The following IGFL2 variants were observed in gnomAD, a reference collection of about 807,000 sequenced individuals.
IGFL2 encodes the protein IGF like family member 2, also known as insulin growth factor-like family member 2.
A neutral mutation model predicts 13.9 loss-of-function variants in IGFL2; 7 were observed. The observed-to-expected ratio is 0.51, with a 90% CI of 0.29 to 0.95. The LOEUF (loss-of-function observed/expected upper bound fraction) is 0.95, where lower values mean the gene tolerates loss of function less well. Ranked by LOEUF, IGFL2 falls within the 40% of genes least tolerant of loss-of-function variation. The pLI is 0.08. For synonymous variants in IGFL2, 55 were observed against 55.8 expected, an observed-to-expected ratio of 0.99 and a Z score of 0.07; for missense variants, 138 against 147.8, an observed-to-expected ratio of 0.93 and a Z score of 0.34.
At chr19:46,124,880 C>T in the IGFL2 span, among the ~76,000 whole-genome samples, 4 of 150,582 alleles carry the variant, frequency 2.7e-5, 1 homozygote, top group East Asian at 4.0e-4. Flanking sequence ...ACCACAGAGC[C>T]GAATGTTGCA....
chr19:46,089,475 G>A, the IGFL2 span, among the ~76,000 whole-genome samples: 1 of 152,076 alleles, frequency 6.6e-6, no homozygotes. Context: ...ACTTTCAGAT[G>A]TTTTTGTGTT....
the IGFL2 span, among the ~76,000 whole-genome samples, chr19:46,197,829 G>A: frequency 6.6e-6 from 1 of 151,922 alleles, no homozygotes; most frequent in African/African-American, 2.4e-5. Context: ...ACTGTGCCTG[G>A]CCAGGACAGG....
At chr19:46,119,741 CAG>C in the IGFL2 span, among the ~76,000 whole-genome samples, 1 of 146,656 alleles carries the variant, frequency 6.8e-6, no homozygotes, top group African/African-American at 2.6e-5. Flanking sequence ...AGACTTGTGA[CAG>C]AGGTGCCTCA....
At chr19:46,110,788 T>C in the IGFL2 span, among the ~76,000 whole-genome samples, 1 of 152,216 alleles carries the variant, frequency 6.6e-6, no homozygotes, top group African/African-American at 2.4e-5. Context: ...TTACTATTTG[T>C]CTGTTTTCCA....
At chr19:46,191,824 C>T in the IGFL2 span, among the ~76,000 whole-genome samples, 6 of 152,120 alleles carry the variant, frequency 3.9e-5, no homozygotes, top group Non-Finnish European at 8.8e-5. Flanking sequence ...CATTTGATTA[C>T]TCTTTTTGTA....
the IGFL2 span, among the ~76,000 whole-genome samples, chr19:46,194,027 G>A: frequency 6.6e-6 from 1 of 152,080 alleles, no homozygotes; most frequent in African/African-American, 2.4e-5. Flanking sequence ...TTTCCTTTTG[G>A]TCAGATTCCA....
At chr19:46,111,605 A>G in the IGFL2 span, 1 of 152,224 alleles carries the variant, frequency 6.6e-6, no homozygotes, top group Admixed American at 6.5e-5. Context: ...TTCTTCTAGC[A>G]CTCATGCCTC....
At chr19:46,096,702 G>C in the IGFL2 span, among the ~76,000 whole-genome samples, 5 of 152,128 alleles carry the variant, frequency 3.3e-5, no homozygotes, top group Admixed American at 1.3e-4. Flanking sequence ...TCAATACCTA[G>C]TTTACTGAGA....
chr19:46,120,360 A>G, the IGFL2 span: 21 of 1,610,950 alleles, frequency 1.3e-5, no homozygotes, highest in Non-Finnish European at 1.8e-5. Flanking sequence ...TCCTGTTCCT[A>G]TCACAGTGCC....
chr19:46,136,875 C>T, the IGFL2 span: 1 of 760,728 alleles, frequency 1.3e-6, no homozygotes, highest in South Asian at 1.4e-5. Context: ...GAAAAGACTA[C>T]TCTGTGTATT....
chr19:46,197,168 G>C, the IGFL2 span: 1 of 228,144 alleles, frequency 4.4e-6, no homozygotes, highest in South Asian at 6.6e-5. Flanking sequence ...TGCACCTTCA[G>C]AGTCTGCTTC....
the IGFL2 span, among the ~76,000 whole-genome samples, chr19:46,100,693 T>A: frequency 6.6e-6 from 1 of 152,180 alleles, no homozygotes. Flanking sequence ...GGGGGAGGCA[T>A]GTAGCTTTTC....
chr19:46,186,228 C>T, the IGFL2 span, among the ~76,000 whole-genome samples: 3 of 152,210 alleles, frequency 2.0e-5, no homozygotes, highest in African/African-American at 7.2e-5. Context: ...CACCAGGAAA[C>T]GGCCGTGGAT....
At chr19:46,093,667 A>C in the IGFL2 span, among the ~76,000 whole-genome samples, 9 of 152,224 alleles carry the variant, frequency 5.9e-5, no homozygotes, top group Non-Finnish European at 1.2e-4. Flanking sequence ...CATAGGACAA[A>C]TAAATTAGGT....
At chr19:46,142,852 G>A (rs1383238820), upstream of IGFL2, among the ~76,000 whole-genome samples, 2 of 152,280 alleles carry the variant, frequency 1.3e-5, no homozygotes, top group Non-Finnish European at 1.5e-5. Flanking sequence ...AACAGCTTTT[G>A]ATACAGATAA....
At chr19:46,205,823 C>T in the IGFL2 span, among the ~76,000 whole-genome samples, 35 of 152,212 alleles carry the variant, frequency 2.3e-4, no homozygotes, top group African/African-American at 7.2e-4. Context: ...CCGTTAAACA[C>T]GTGGCTTTGG....
intron 1 of IGFL2, among the ~76,000 whole-genome samples, chr19:46,156,115 C>T (rs932702023): frequency 1.3e-5 from 2 of 152,182 alleles, no homozygotes; most frequent in African/African-American, 2.4e-5. Flanking sequence ...CCGTGCCCAA[C>T]CATCACTTTC....
At chr19:46,121,625 C>G in the IGFL2 span, among the ~76,000 whole-genome samples, 2,040 of 150,502 alleles carry the variant, frequency 0.014, 65 homozygotes, top group Middle Eastern at 0.031. Context: ...CGGTGTCGCA[C>G]GTGACGACTA....
At chr19:46,093,436 C>T in the IGFL2 span, among the ~76,000 whole-genome samples, 2 of 152,158 alleles carry the variant, frequency 1.3e-5, no homozygotes, top group African/African-American at 4.8e-5. Flanking sequence ...AAAAATCCTA[C>T]AGCTAATGTC....
Sources: allele counts gnomAD v4.1 joint callset (sites outside exome capture counted in the v4.1 genomes callset), GRCh38; gene constraint gnomAD v4.1.1; transcripts MANE v1.5; gene names NCBI Gene and HGNC (gene_info 2026-07-23, HGNC 2026-07-21).